The following TENM3 variants were observed in gnomAD, a reference collection of about 807,000 sequenced individuals.
The protein encoded by TENM3 is teneurin transmembrane protein 3, also known as teneurin-3.
Under a neutral mutation model 255.1 loss-of-function variants are expected in TENM3, and 63 were observed. The observed-to-expected ratio is 0.25, with a 90% confidence interval of 0.20 to 0.30. TENM3 has a LOEUF of 0.30. Among genes scored for constraint, TENM3 ranks in the 10% least tolerant of loss-of-function variants. TENM3 has a pLI of 1.00. For synonymous variants in TENM3, 1,306 were observed against 1,322.3 expected, an observed-to-expected ratio of 0.99 and a Z score of 0.27; for missense variants, 2,929 against 3,461.1, an observed-to-expected ratio of 0.85 and a Z score of 3.86.
At chr4:182,015,880 G>A in the TENM3 span, among the ~76,000 whole-genome samples, 9 of 152,128 alleles carry the variant, frequency 5.9e-5, no homozygotes, top group African/African-American at 1.9e-4. Context: ...CCTCCTCATC[G>A]TACTTTGTCT....
the TENM3 span, among the ~76,000 whole-genome samples, chr4:182,015,855 A>G: frequency 6.6e-6 from 1 of 152,116 alleles, no homozygotes; most frequent in African/African-American, 2.4e-5. Context: ...CCTGATTTTA[A>G]GTTTTTAAGA....
chr4:182,767,545 A>C (rs945606983), intron 22 of TENM3, among the ~76,000 whole-genome samples: 10 of 152,136 alleles, frequency 6.6e-5, no homozygotes, highest in Non-Finnish European at 1.3e-4. Context: ...GTTAGATGGA[A>C]GAAAAGATTC....
At chr4:182,065,315 G>A in the TENM3 span, among the ~76,000 whole-genome samples, 1 of 152,160 alleles carries the variant, frequency 6.6e-6, no homozygotes, top group African/African-American at 2.4e-5. Context: ...GATTACAGGC[G>A]TGAGCCACCA....
chr4:181,523,137 A>C, the TENM3 span: 1 of 389,336 alleles, frequency 2.6e-6, no homozygotes, highest in Non-Finnish European at 5.0e-6. Context: ...TGTACTAGTG[A>C]AGCCTGTACT....
chr4:182,008,212 C>G, the TENM3 span, among the ~76,000 whole-genome samples: 1 of 152,066 alleles, frequency 6.6e-6, no homozygotes, highest in African/African-American at 2.4e-5. Flanking sequence ...TGGGGTTGAT[C>G]TTCTCGTGGA....
intron 3 of TENM3, among the ~76,000 whole-genome samples, chr4:182,584,024 T>C (rs904180090): frequency 7.9e-5 from 12 of 152,204 alleles, no homozygotes; most frequent in African/African-American, 1.2e-4. Flanking sequence ...AATAGTAATA[T>C]AAGTTTTACT....
the TENM3 span, among the ~76,000 whole-genome samples, chr4:181,853,483 C>T: frequency 6.6e-6 from 1 of 152,198 alleles, no homozygotes; most frequent in South Asian, 2.1e-4. Context: ...TAACGGCAAT[C>T]TCAAAACACG....
chr4:182,265,110 A>C (rs1431659849), intron 1 of TENM3, among the ~76,000 whole-genome samples: 2 of 152,164 alleles, frequency 1.3e-5, no homozygotes, highest in African/African-American at 4.8e-5. Flanking sequence ...AATCCCAGGA[A>C]TTAAAGGCAG....
the TENM3 span, among the ~76,000 whole-genome samples, chr4:181,995,114 C>A: frequency 6.6e-6 from 1 of 151,930 alleles, no homozygotes; most frequent in Non-Finnish European, 1.5e-5. Context: ...CACGGTGAAA[C>A]CCTGTCTCTA....
At chr4:182,003,405 T>G in the TENM3 span, among the ~76,000 whole-genome samples, 2 of 152,092 alleles carry the variant, frequency 1.3e-5, no homozygotes, top group Non-Finnish European at 2.9e-5. Context: ...TTAGACTTAA[T>G]ATATTATACC....
In TENM3 at chr4:182,571,292, A is replaced by G. The variant is rs144905290; in HGVS notation, c.512-29632A>G. Among the ~76,000 whole-genome samples, 414 of 152,286 alleles carry G rather than the reference A, an allele frequency of 2.7e-3. 1 individual carries two copies. Among genetic ancestry groups the G allele is most frequent in the African/African-American group, 9.2e-3 (381 of 41,556 alleles). ...TGTAATCCCAGCACTTTGGGAGGCC[A>G]AGGCAGACAGATCACTTGAGCCCAG... is the stretch of plus-strand genomic sequence containing the variant. On this transcript the variant is annotated intron_variant, in intron 3 of 27. Coordinates refer to ENST00000511685, the MANE Select transcript of TENM3 (RefSeq NM_001080477.4).
At chr4:182,239,707 T>C (rs1219537722), upstream of TENM3, among the ~76,000 whole-genome samples, 1 of 152,158 alleles carries the variant, frequency 6.6e-6, no homozygotes, top group African/African-American at 2.4e-5. Flanking sequence ...AAAATACCAC[T>C]ATGGATACTT....
chr4:182,005,298 T>C, the TENM3 span, among the ~76,000 whole-genome samples: 1 of 152,344 alleles, frequency 6.6e-6, no homozygotes, highest in Admixed American at 6.5e-5. Flanking sequence ...GGTAGCCAGT[T>C]TTCCCAGCAC....
At chr4:182,766,163 AGAGAAG>A (rs1208089000) in intron 22 of TENM3, among the ~76,000 whole-genome samples, 1 of 152,160 alleles carries the variant, frequency 6.6e-6, no homozygotes, top group Non-Finnish European at 1.5e-5. Flanking sequence ...GGAGAACAAA[AGAGAAG>A]GAGGGGTTTG....
intron 3 of TENM3, among the ~76,000 whole-genome samples, chr4:182,547,937 G>A (rs1388349183): frequency 4.6e-5 from 7 of 151,962 alleles, no homozygotes; most frequent in South Asian, 2.1e-4. Context: ...AAATTCCAAG[G>A]CCAGGCACGA....
intron 1 of TENM3, among the ~76,000 whole-genome samples, chr4:182,267,849 G>C (rs959575454): frequency 6.6e-6 from 1 of 152,086 alleles, no homozygotes; most frequent in East Asian, 1.9e-4. Flanking sequence ...ACCAGAAAGA[G>C]AAATATTATG....
the TENM3 span, among the ~76,000 whole-genome samples, chr4:182,022,212 A>G: frequency 6.6e-6 from 1 of 152,172 alleles, no homozygotes; most frequent in Non-Finnish European, 1.5e-5. Context: ...ATGGAATGCT[A>G]TGCAGCCACA....
chr4:182,416,661 C>A (rs1435440643), intron 3 of TENM3, among the ~76,000 whole-genome samples: 1 of 152,132 alleles, frequency 6.6e-6, no homozygotes, highest in Admixed American at 6.5e-5. Context: ...CAGTACCACT[C>A]TTGGGGTCAC....
Position 182,793,263 on chromosome 4 carries a change from A to C in TENM3, c.6591A>C (p.Leu2197=). ...ATCGGTTGGATGAAGATGGTTTCCT[A>C]CGTCAAAGGGGCACGGAAATCTTTG... ...VQYRLDEDGF[L]RQRGTEIFEY... is the part of the protein sequence containing the mutation. The change falls in exon 26 of 28, where the codon CTA becomes CTC. Residue 2197 remains leucine (L), a synonymous_variant. Transcript: ENST00000511685. The surrounding 1 kb of genome is among the most constrained non-coding windows in gnomAD (Gnocchi z 5.7). The C allele has an allele frequency of 6.2e-7, 1 of 1,613,880 alleles. No homozygotes were observed. The highest frequency in any genetic ancestry group is 1.7e-5 in the Admixed American group (1 of 60,010).
Sources: allele counts gnomAD v4.1 joint callset (sites outside exome capture counted in the v4.1 genomes callset), GRCh38; gene constraint gnomAD v4.1.1; non-coding constraint Gnocchi (gnomAD v3.1); transcripts MANE v1.5; gene names NCBI Gene and HGNC (gene_info 2026-07-23, HGNC 2026-07-21).